The following BMP8B variants were observed in gnomAD, a reference collection of about 807,000 sequenced individuals.
The protein encoded by BMP8B is bone morphogenetic protein 8 (osteogenic protein 2).
BMP8B carries 17 observed loss-of-function variants against 30.3 expected under a neutral mutation model. The ratio of observed to expected loss-of-function variants is 0.56; its 90% CI spans 0.38 to 0.84. The LOEUF (loss-of-function observed/expected upper bound fraction) is 0.84. BMP8B is among the 40% of genes least tolerant of loss of function. The pLI is 0.00. For synonymous variants in BMP8B, 131 were observed against 214.7 expected, an observed-to-expected ratio of 0.61 and a Z score of 3.41; for missense variants, 253 against 494.6, an observed-to-expected ratio of 0.51 and a Z score of 4.63.
At position 39,770,505 on chromosome 1, in the gene BMP8B, C is replaced by T. The variant is rs981981449; in HGVS notation, c.673+3803G>A. 4.3e-6 allele frequency: 7 copies of T among 1,610,374 alleles called. No individual in the cohort carries two copies. The highest frequency in any genetic ancestry group is 2.7e-5 in the African/African-American group (2 of 73,916). ...ATGTCTTCTGGGGGGAAAGCCCCCA[C>T]CTCCACGATCTCTTCCACCTCCACC... On this transcript the variant is annotated intron_variant, in intron 3 of 6. Transcript: ENST00000372827.
At chr1:39,781,353 G>T (rs1650623377) in intron 1 of BMP8B, among the ~76,000 whole-genome samples, 1 of 152,172 alleles carries the variant, frequency 6.6e-6, no homozygotes. Context: ...ACCAACTTTT[G>T]CTTCTGGTCT....
chr1:39,759,932 C>A lies in BMP8B; in HGVS notation c.*487G>T. The stretch of plus-strand genomic sequence containing the variant: ...CTTCAGGGGTTATCCAGTTTTATAC[C>A]CCACCTTGCACCTCGGGCAGGCAAT... On this transcript the variant is annotated 3_prime_UTR_variant, in exon 7 of 7. Coordinates refer to ENST00000372827, the MANE Select transcript of BMP8B (RefSeq NM_001720.5). 1 of 171,650 alleles carries A rather than the reference C, an allele frequency of 5.8e-6. No homozygotes were observed. Among genetic ancestry groups the A allele is most frequent in the Admixed American group, 5.7e-5 (1 of 17,676 alleles). 10.6% of individuals were successfully genotyped at this position (171,650 alleles called of 1,614,324 possible). A position where few individuals can be genotyped will look rare whatever the true frequency, so the allele number is the denominator to read the frequency against.
At chr1:39,762,797 C>T (rs932636618) in intron 6 of BMP8B, 16 of 1,255,724 alleles carry the variant, frequency 1.3e-5, no homozygotes, top group Non-Finnish European at 1.6e-5. Flanking sequence ...TGCCTCTGAG[C>T]GCTGCACACA....
In BMP8B at chr1:39,764,321, T is replaced by C. The variant is rs552705041; in HGVS notation, c.868+302A>G. ...GGTGCCCAGGCACAACCGCAGGTCATGAGGGGCTGCGGCTCCCAGGGAAGG... is the reference window on the plus strand; with the variant it reads ...GGTGCCCAGGCACAACCGCAGGTCACGAGGGGCTGCGGCTCCCAGGGAAGG... On this transcript the variant is annotated intron_variant, in intron 4 of 6. Coordinates refer to ENST00000372827, the MANE Select transcript of BMP8B (RefSeq NM_001720.5). 1.7e-4 allele frequency among the ~76,000 whole-genome samples: 26 copies of C among 151,072 alleles called. No homozygotes were observed. The East Asian group carries it at 3.1e-3, about 18-fold the overall frequency.
intron 1 of BMP8B, among the ~76,000 whole-genome samples, chr1:39,786,271 G>A (rs1381360507): frequency 6.6e-6 from 1 of 152,250 alleles, no homozygotes; most frequent in Non-Finnish European, 1.5e-5. Flanking sequence ...TATAAGACAT[G>A]TGGAGATGTT....
intron 6 of BMP8B, among the ~76,000 whole-genome samples, chr1:39,760,991 C>G (rs1171747163): frequency 1.3e-5 from 2 of 152,090 alleles, no homozygotes; most frequent in African/African-American, 4.8e-5. Flanking sequence ...CTCCCACACC[C>G]TGGCCTCCCT....
Position 39,788,455 on chromosome 1 carries a change from G to A in BMP8B, c.31C>T (p.Leu11=), listed in dbSNP as rs1651165998. 9.7e-7 allele frequency: 1 copy of A among 1,030,580 alleles called. No homozygotes were observed. Among genetic ancestry groups the A allele is most frequent in the Non-Finnish European group, 1.2e-6 (1 of 860,790 alleles). 63.8% of individuals were successfully genotyped at this position (1,030,580 alleles called of 1,614,324 possible). MTALPGPLWL[L]GLALCALGGG... ...CCCAGCGCGCATAGCGCCAGGCCCA[G>A]GAGCCAGAGCGGGCCGGGGAGCGCG... The change falls in exon 1 of 7, where the codon CTG becomes TTG. Residue 11 remains leucine, a synonymous_variant. Transcript: ENST00000372827. This position sits in a 1 kb window ranked among gnomAD's most constrained non-coding sequence, Gnocchi z 5.8.
rs1651168989 is a variant in BMP8B, at chr1:39,788,489, A to G, written c.-4T>C. ...GCGGGCCGGGGAGCGCGGTCATGGC[A>G]GGCCGGGGGCGCTCAGCTGGGGCGC... is the stretch of plus-strand genomic sequence containing the variant. On this transcript the variant is annotated 5_prime_UTR_variant, in exon 1 of 7. Coordinates refer to ENST00000372827, the MANE Select transcript of BMP8B (RefSeq NM_001720.5). The surrounding 1 kb of genome is among the most constrained non-coding windows in gnomAD (Gnocchi z 5.8). The G allele has an allele frequency of 3.9e-6, 4 of 1,014,076 alleles. No individual in the cohort carries two copies. Among genetic ancestry groups the G allele is most frequent in the Non-Finnish European group, 4.7e-6 (4 of 850,564 alleles). 62.8% of individuals were successfully genotyped at this position (1,014,076 alleles called of 1,614,324 possible). A position where few individuals can be genotyped will look rare whatever the true frequency, so the allele number is the denominator to read the frequency against.
chr1:39,779,835 A>C (rs1052191706), intron 1 of BMP8B, among the ~76,000 whole-genome samples: 1 of 152,232 alleles, frequency 6.6e-6, no homozygotes, highest in African/African-American at 2.4e-5. Context: ...CAAATGTAGC[A>C]GTTTAAAACA....
At chr1:39,768,519 A>C (rs1245774308) in intron 3 of BMP8B, among the ~76,000 whole-genome samples, 2 of 147,900 alleles carry the variant, frequency 1.4e-5, no homozygotes, top group Non-Finnish European at 3.0e-5. Flanking sequence ...TCAGGGAAAC[A>C]AAATTTAACA....
intron 3 of BMP8B, among the ~76,000 whole-genome samples, chr1:39,769,100 T>C (rs923337738): frequency 6.7e-6 from 1 of 148,990 alleles, no homozygotes; most frequent in Admixed American, 6.7e-5. Context: ...TGAATTAGGA[T>C]TGCTTGAGCC....
At position 39,788,012 on chromosome 1, in the gene BMP8B, C is replaced by G. The variant is rs1232232462; in HGVS notation, c.334+140G>C. On this transcript the variant is annotated intron_variant, in intron 1 of 6. Coordinates refer to ENST00000372827, the MANE Select transcript of BMP8B (RefSeq NM_001720.5). The surrounding 1 kb of genome is among the most constrained non-coding windows in gnomAD (Gnocchi z 5.8). ...ATGACCCTTAGACCTTCCCTAACCA[C>G]GGCGGTCCCACTCCCCTGTGGTTCG... 34 of 1,315,058 alleles carry G rather than the reference C, an allele frequency of 2.6e-5. No individual in the cohort carries two copies. The highest frequency in any genetic ancestry group is 2.9e-4 in the Middle Eastern group (1 of 3,440). The allele number at this position is 1,315,058 out of a possible 1,614,324, so 81.5% of individuals were successfully genotyped here.
chr1:39,766,248 C>CTGAA (rs1481303024), intron 3 of BMP8B, among the ~76,000 whole-genome samples: 2 of 146,222 alleles, frequency 1.4e-5, no homozygotes, highest in Non-Finnish European at 3.0e-5. Context: ...TTTCCTGATA[C>CTGAA]TGAATGGCAG....
chr1:39,786,638 T>A (rs1189408150), intron 1 of BMP8B, among the ~76,000 whole-genome samples: 1 of 152,136 alleles, frequency 6.6e-6, no homozygotes, highest in Non-Finnish European at 1.5e-5. Context: ...GACGACTCCA[T>A]CCACAACTCT....
chr1:39,771,218 C>G (rs1407837243), intron 3 of BMP8B: 7 of 1,528,124 alleles, frequency 4.6e-6, no homozygotes, highest in Non-Finnish European at 4.4e-6. Flanking sequence ...GGGGACCCCG[C>G]GCCCGAGCAC....
At chr1:39,780,487 G>A (rs1432644508) in intron 1 of BMP8B, among the ~76,000 whole-genome samples, 1 of 152,216 alleles carries the variant, frequency 6.6e-6, no homozygotes, top group Non-Finnish European at 1.5e-5. Flanking sequence ...GCTGAACTCT[G>A]AATGCCAGGC....
intron 1 of BMP8B, among the ~76,000 whole-genome samples, chr1:39,786,544 C>T (rs1650992520): frequency 6.6e-6 from 1 of 152,236 alleles, no homozygotes; most frequent in African/African-American, 2.4e-5. Flanking sequence ...CTGTGCATGC[C>T]TTGACCCAGG....
intron 1 of BMP8B, among the ~76,000 whole-genome samples, chr1:39,777,855 C>T (rs865793541): frequency 2.6e-5 from 4 of 152,306 alleles, no homozygotes; most frequent in Admixed American, 6.5e-5. Context: ...TACCTGCAGA[C>T]GCCTCCCGCA....
In BMP8B at chr1:39,761,028, C is replaced by G. The variant is rs540513795; in HGVS notation, c.1060-460G>C. Among the ~76,000 whole-genome samples the G allele has an allele frequency of 1.8e-3, 274 of 152,168 alleles. 1 individual carries two copies. The highest frequency in any genetic ancestry group is 3.1e-3 in the Non-Finnish European group (213 of 67,956). On this transcript the variant is annotated intron_variant, in intron 6 of 6. Transcript: ENST00000372827. ...CCCAGTCTCTGGGAGGCCAGGCCTC[C>G]GCCCCTCTCCTGTGCTGCTCCTTCC...
Sources: gnomAD v4.1 joint callset for allele counts (sites outside exome capture counted in the v4.1 genomes callset) on GRCh38, gnomAD v4.1.1 for gene constraint, Gnocchi (gnomAD v3.1) non-coding constraint, MANE v1.5 for transcripts, NCBI Gene and HGNC (gene_info 2026-07-23, HGNC 2026-07-21) for gene names.